The following GRM8 variants were observed in gnomAD, a reference collection of about 807,000 sequenced individuals.
The protein encoded by GRM8 is metabotropic glutamate receptor 8.
In GRM8, 47 loss-of-function variants were observed where a neutral mutation model predicts 87.2. The ratio of observed to expected loss-of-function variants is 0.54; its 90% CI spans 0.43 to 0.69. GRM8 has a LOEUF of 0.69. Ranked by LOEUF, GRM8 falls within the 30% of genes least tolerant of loss-of-function variation. The probability of loss-of-function intolerance (pLI) is 0.00; values close to 1 mark genes in which losing one functional copy is unlikely to be tolerated. For synonymous variants in GRM8, 396 were observed against 404.5 expected, an observed-to-expected ratio of 0.98 and a Z score of 0.25; for missense variants, 1,019 against 1,139.2, an observed-to-expected ratio of 0.89 and a Z score of 1.52.
chr7:126,853,845 C>T (rs917201140), intron 6 of GRM8, among the ~76,000 whole-genome samples: 2 of 152,148 alleles, frequency 1.3e-5, no homozygotes, highest in Non-Finnish European at 2.9e-5. Flanking sequence ...CCTCTCTCTC[C>T]TTTGCTTTCT....
intron 7 of GRM8, among the ~76,000 whole-genome samples, chr7:126,692,237 T>C (rs1808902278): frequency 6.6e-6 from 1 of 152,230 alleles, no homozygotes; most frequent in African/African-American, 2.4e-5. Flanking sequence ...TCACTAAAGT[T>C]ATAAACACAT....
Position 126,951,262 on chromosome 7 carries a change from C to G in GRM8, c.728-46579G>C, listed in dbSNP as rs987400834. ...AAATATGGAAGGAACTCACCAGAAA[C>G]TAAAGAAACTATCTACAGAGGGCAG... On this transcript the variant is annotated intron_variant, in intron 3 of 10. Coordinates refer to ENST00000339582, the MANE Select transcript of GRM8 (RefSeq NM_000845.3). 8.6e-5 allele frequency among the ~76,000 whole-genome samples: 13 copies of G among 151,966 alleles called. 1 individual carries two copies. The highest frequency in any genetic ancestry group is 1.9e-4 in the Non-Finnish European group (13 of 67,922).
At chr7:126,478,284 A>G (rs1333066001) in intron 9 of GRM8, among the ~76,000 whole-genome samples, 1 of 152,074 alleles carries the variant, frequency 6.6e-6, no homozygotes, top group Non-Finnish European at 1.5e-5. Context: ...TTTACTTTTT[A>G]CTTTAATATT....
intron 3 of GRM8, among the ~76,000 whole-genome samples, chr7:126,930,665 CCT>C (rs1805670762): frequency 6.6e-6 from 1 of 152,180 alleles, no homozygotes. Flanking sequence ...GGCCACTTTT[CCT>C]TCTAACTTCT....
rs200798290 is a variant in GRM8 at position 126,533,134 on chromosome 7, T to C, written c.2248A>G (p.Ile750Val). 1 of 1,612,894 alleles carries C rather than the reference T, an allele frequency of 6.2e-7. No homozygotes were observed. Among genetic ancestry groups the C allele is most frequent in the South Asian group, 1.1e-5 (1 of 91,000 alleles). Residue 750 changes from isoleucine to valine, a missense_variant, in exon 9 of 11, where the codon ATT (isoleucine) becomes GTT (valine). Transcript: ENST00000339582. Reference sequence around the variant, plus strand: ...AGGATACTGTATCCAAGTGAACAAATGAGTGAGAGATCAGAAATGTCACAC... The same window carrying C: ...AGGATACTGTATCCAAGTGAACAAACGAGTGAGAGATCAGAAATGTCACAC... ...LKCDISDLSLICSLGYSILLM... is the reference protein window; with the variant it reads ...LKCDISDLSLVCSLGYSILLM...
intron 2 of GRM8, among the ~76,000 whole-genome samples, chr7:127,208,934 T>C (rs1261295505): frequency 1.3e-5 from 2 of 152,222 alleles, no homozygotes; most frequent in South Asian, 4.1e-4. Flanking sequence ...TCCTTGGGGA[T>C]ACATAGTTCC....
chr7:126,536,533 C>A (rs1815748712), intron 8 of GRM8, among the ~76,000 whole-genome samples: 1 of 151,926 alleles, frequency 6.6e-6, no homozygotes, highest in Non-Finnish European at 1.5e-5. Flanking sequence ...CTATTATAAC[C>A]CTCTAGTTTC....
intron 6 of GRM8, among the ~76,000 whole-genome samples, chr7:126,783,888 C>T (rs965953280): frequency 3.9e-5 from 6 of 152,172 alleles, no homozygotes; most frequent in Non-Finnish European, 8.8e-5. Context: ...TATATTTCAA[C>T]ACTTCCTATA....
At chr7:126,905,627 T>C (rs1192993281) in intron 3 of GRM8, among the ~76,000 whole-genome samples, 1 of 152,202 alleles carries the variant, frequency 6.6e-6, no homozygotes, top group East Asian at 1.9e-4. Flanking sequence ...CACTCAGTCA[T>C]CCAACTGTTA....
chr7:126,866,558 G>A (rs193002918), intron 6 of GRM8, among the ~76,000 whole-genome samples: 2 of 132,280 alleles, frequency 1.5e-5, no homozygotes, highest in Non-Finnish European at 3.2e-5. Context: ...TTACATTCAA[G>A]TCTTGAATAT....
At chr7:126,742,083 G>A (rs1346270569) in intron 7 of GRM8, among the ~76,000 whole-genome samples, 6 of 151,686 alleles carry the variant, frequency 4.0e-5, no homozygotes, top group African/African-American at 1.5e-4. Flanking sequence ...GTACAGGCGC[G>A]TTTCATACCT....
Position 126,735,129 on chromosome 7 carries a change from A to G in GRM8, c.1357+34736T>C, listed in dbSNP as rs144688384. 1.3e-3 allele frequency among the ~76,000 whole-genome samples: 194 copies of G among 152,226 alleles called. 1 individual carries two copies. The highest frequency in any genetic ancestry group is 4.5e-3 in the African/African-American group (185 of 41,564). On this transcript the variant is annotated intron_variant, in intron 7 of 10. Transcript: ENST00000339582. ...TGGATGGGCCCTCACAATTTGTTTA[A>G]ATTGCTGTAGGGCAAGTAACACCAA...
intron 2 of GRM8, among the ~76,000 whole-genome samples, chr7:127,226,709 G>C (rs1201855420): frequency 6.6e-6 from 1 of 152,222 alleles, no homozygotes; most frequent in Non-Finnish European, 1.5e-5. Flanking sequence ...GGCTCTTTCT[G>C]TCTTGAGCTG....
intron 3 of GRM8, among the ~76,000 whole-genome samples, chr7:126,906,909 C>T (rs1802731642): frequency 6.6e-6 from 1 of 152,146 alleles, no homozygotes; most frequent in African/African-American, 2.4e-5. Context: ...TGATTCATTC[C>T]TTCAGTAAAT....
chr7:126,867,549 T>C (rs1798708213), intron 6 of GRM8, among the ~76,000 whole-genome samples: 1 of 152,126 alleles, frequency 6.6e-6, no homozygotes, highest in Non-Finnish European at 1.5e-5. Context: ...TAAATCCCAG[T>C]AAGTAATTCT....
chr7:126,932,806 C>A (rs1401290207), intron 3 of GRM8, among the ~76,000 whole-genome samples: 1 of 152,010 alleles, frequency 6.6e-6, no homozygotes, highest in Non-Finnish European at 1.5e-5. Flanking sequence ...AAGAAAAATT[C>A]AAAAGAACTC....
intron 2 of GRM8, among the ~76,000 whole-genome samples, chr7:127,109,288 G>T (rs904440549): frequency 1.4e-4 from 21 of 152,036 alleles, no homozygotes; most frequent in Non-Finnish European, 5.9e-5. Context: ...AAAAGAAGTT[G>T]CTAGGAAAAG....
intron 7 of GRM8, among the ~76,000 whole-genome samples, chr7:126,642,574 AT>A (rs1802520828): frequency 1.3e-5 from 2 of 152,106 alleles, no homozygotes; most frequent in Admixed American, 1.3e-4. Context: ...TGGGAGGCAG[AT>A]CTTGCAGTGA....
chr7:127,234,562 TTGC>T, intron 2 of GRM8, among the ~76,000 whole-genome samples: 1 of 152,364 alleles, frequency 6.6e-6, no homozygotes, highest in Middle Eastern at 3.4e-3. Flanking sequence ...ACACTTTGAC[TTGC>T]TAAGTCAGCC....
Sources: gnomAD v4.1 joint callset for allele counts (sites outside exome capture counted in the v4.1 genomes callset) on GRCh38, gnomAD v4.1.1 for gene constraint, MANE v1.5 for transcripts, NCBI Gene and HGNC (gene_info 2026-07-23, HGNC 2026-07-21) for gene names.